Variants in NACC2 observed in about 807,000 individuals in gnomAD.
NACC2 encodes nucleus accumbens-associated protein 2.
A neutral mutation model predicts 25.1 loss-of-function variants in NACC2; 8 were observed. The observed-to-expected ratio is 0.32, with a 90% CI of 0.19 to 0.57. NACC2 has a LOEUF of 0.57. Among genes scored for constraint, NACC2 ranks in the 20% least tolerant of loss-of-function variants. The pLI is 0.89. For missense variants in NACC2, 644 were observed against 650.2 expected, an observed-to-expected ratio of 0.99 and a Z score of 0.10; for synonymous variants, 435 against 294.7, an observed-to-expected ratio of 1.48 and a Z score of -4.88.
At chr9:136,067,511 G>A (rs1439313064) in intron 1 of NACC2, among the ~76,000 whole-genome samples, 2 of 152,106 alleles carry the variant, frequency 1.3e-5, no homozygotes, top group Non-Finnish European at 2.9e-5. Context: ...AGGTGATTTT[G>A]TCGTTCTGTG....
rs1840962288 is a variant in NACC2 at position 136,058,518 on chromosome 9, A to G, written c.-59-7938T>C. 2.6e-5 allele frequency among the ~76,000 whole-genome samples: 4 copies of G among 152,210 alleles called. No individual in the cohort carries two copies. In the South Asian group the frequency reaches 8.3e-4, roughly 31 times the overall value. On this transcript the variant is annotated intron_variant, in intron 1 of 5. Transcript: ENST00000277554. Reference sequence around the variant, plus strand: ...GGGACCTGGGCTTTCTCAGCTCTTCAGAAAGATGGGATGTTGGATACACAC... The same window carrying G: ...GGGACCTGGGCTTTCTCAGCTCTTCGGAAAGATGGGATGTTGGATACACAC...
chr9:136,077,203 C>T (rs1162118660), intron 1 of NACC2, among the ~76,000 whole-genome samples: 1 of 151,086 alleles, frequency 6.6e-6, no homozygotes, highest in African/African-American at 2.4e-5. Flanking sequence ...TGGTGGCGGG[C>T]GCCTGTAGTC....
At chr9:136,029,876 G>A (rs552192741) in intron 2 of NACC2, among the ~76,000 whole-genome samples, 3 of 152,282 alleles carry the variant, frequency 2.0e-5, no homozygotes, top group African/African-American at 7.2e-5. Context: ...AGAGGTGTGG[G>A]ATCCGGGCCG....
chr9:136,067,560 G>A (rs924683937), intron 1 of NACC2, among the ~76,000 whole-genome samples: 5 of 152,146 alleles, frequency 3.3e-5, no homozygotes, highest in African/African-American at 4.8e-5. Flanking sequence ...TCGATGGGCC[G>A]GGCGCGGTGG....
At chr9:136,044,282 G>C (rs1840686576) in intron 2 of NACC2, among the ~76,000 whole-genome samples, 1 of 152,190 alleles carries the variant, frequency 6.6e-6, no homozygotes, top group South Asian at 2.1e-4. Context: ...TTGGGAGGCT[G>C]AGGCGGGAGG....
At chr9:136,041,195 G>T (rs1168147640) in intron 2 of NACC2, among the ~76,000 whole-genome samples, 2 of 152,188 alleles carry the variant, frequency 1.3e-5, no homozygotes, top group Admixed American at 1.3e-4. Context: ...GCCAAGACAG[G>T]CAGATCACTT....
chr9:136,051,903 G>A (rs1489396909), intron 1 of NACC2, among the ~76,000 whole-genome samples: 3 of 121,600 alleles, frequency 2.5e-5, no homozygotes, highest in Non-Finnish European at 5.2e-5. Flanking sequence ...GGAGGAGGAG[G>A]AGGAGGAGAT....
rs369124718 is a variant in NACC2 at position 136,013,832 on chromosome 9, T to C, written c.1157+32A>G. The stretch of plus-strand genomic sequence containing the variant: ...GGAGCCAGAACCCTCCGCAGCTCCA[T>C]TGTGCCCTCCAGCACTCCTGCCCCG... On this transcript the variant is annotated intron_variant, in intron 4 of 5. Coordinates refer to ENST00000277554, the MANE Select transcript of NACC2 (RefSeq NM_144653.5). This position sits in a 1 kb window ranked among gnomAD's most constrained non-coding sequence, Gnocchi z 6.6. 6 of 1,583,806 alleles carry C rather than the reference T, an allele frequency of 3.8e-6. No individual in the cohort carries two copies. In the African/African-American group the frequency reaches 5.4e-5, roughly 14 times the overall value.
intron 1 of NACC2, among the ~76,000 whole-genome samples, chr9:136,076,388 AC>A (rs1054661877): frequency 6.6e-6 from 1 of 151,932 alleles, no homozygotes; most frequent in Non-Finnish European, 1.5e-5. Context: ...ATTCTGATGC[AC>A]CCCCCAGCCC....
rs922448324 is a variant in NACC2, at chr9:136,079,981, G to A, written c.-60+15208C>T. Among the ~76,000 whole-genome samples the A allele has an allele frequency of 9.2e-5, 14 of 152,334 alleles. No individual in the cohort carries two copies. The East Asian group carries it at 2.1e-3, about 23-fold the overall frequency. ...GGCCCTCCTGGAGAGCTACAGATGG[G>A]CTCTGCTGGCCATGGGGCTGCCTGG... On this transcript the variant is annotated intron_variant, in intron 1 of 5. Coordinates refer to ENST00000277554, the MANE Select transcript of NACC2 (RefSeq NM_144653.5).
At position 136,050,138 on chromosome 9, in the gene NACC2, G is replaced by A; in HGVS notation, c.384C>T (p.Cys128=). 5 of 765,392 alleles carry A rather than the reference G, an allele frequency of 6.5e-6. No homozygotes were observed. Among genetic ancestry groups the A allele is most frequent in the Middle Eastern group, 3.2e-4 (1 of 3,166 alleles). 47.4% of individuals were successfully genotyped at this position (765,392 alleles called of 1,614,324 possible). Residue 128 remains cysteine, a synonymous_variant, in exon 2 of 6, where the codon TGC becomes TGT. Transcript: ENST00000277554. The part of the protein sequence containing the change: ...DLMFKVSSPH[C]DSQTAVIEDA... Reference sequence around the variant, plus strand: ...CCTCGATCACAGCGGTCTGCGAGTCGCAGTGGGGCGAGCTCACCTTGAACA... The same window carrying A: ...CCTCGATCACAGCGGTCTGCGAGTCACAGTGGGGCGAGCTCACCTTGAACA...
At chr9:136,053,185 C>T (rs970406374) in intron 1 of NACC2, among the ~76,000 whole-genome samples, 78 of 152,366 alleles carry the variant, frequency 5.1e-4, no homozygotes, top group Admixed American at 8.5e-4. Flanking sequence ...CCCTCACTCC[C>T]GGCGCCCCTC....
In NACC2 at chr9:136,011,438, T is replaced by C; in HGVS notation, c.*78A>G. ...AGTAGCAGTTCAGTAGGTAAGTGGC[T>C]TGATCACATTTGTTTGTATTAGTAA... On this transcript the variant is annotated 3_prime_UTR_variant, in exon 6 of 6. Transcript: ENST00000277554. 1 of 1,278,082 alleles carries C rather than the reference T, an allele frequency of 7.8e-7. No homozygotes were observed. Among genetic ancestry groups the C allele is most frequent in the Non-Finnish European group, 9.9e-7 (1 of 1,007,230 alleles). The allele number at this position is 1,278,082 out of a possible 1,614,324, so 79.2% of individuals were successfully genotyped here.
intron 2 of NACC2, among the ~76,000 whole-genome samples, chr9:136,026,521 C>T (rs1315399880): frequency 5.9e-5 from 9 of 151,862 alleles, no homozygotes; most frequent in Non-Finnish European, 1.0e-4. Context: ...GTCCCCAGAC[C>T]GACCAAGGAC....
intron 2 of NACC2, among the ~76,000 whole-genome samples, chr9:136,030,748 G>A (rs527893118): frequency 3.3e-5 from 5 of 152,150 alleles, no homozygotes; most frequent in South Asian, 2.1e-4. Flanking sequence ...TACAACCTGC[G>A]CCTCCCAGGT....
Position 136,013,757 on chromosome 9 carries a change from G to A in NACC2, c.1157+107C>T, listed in dbSNP as rs1159969793. ...GCCACGGCTGAAGTCAGGAATGCGA[G>A]AGGGCTTTCAATGCCACAACCCTGG... On this transcript the variant is annotated intron_variant, in intron 4 of 5. Transcript: ENST00000277554. This position sits in a 1 kb window ranked among gnomAD's most constrained non-coding sequence, Gnocchi z 6.6. 1.0e-6 allele frequency: 1 copy of A among 992,024 alleles called. No individual in the cohort carries two copies. Among genetic ancestry groups the A allele is most frequent in the Non-Finnish European group, 1.5e-6 (1 of 672,990 alleles). The allele number at this position is 992,024 out of a possible 1,614,324, so 61.5% of individuals were successfully genotyped here.
In NACC2 at chr9:136,086,823, G is replaced by C. The variant is rs1830383192; in HGVS notation, c.-60+8366C>G. On this transcript the variant is annotated intron_variant, in intron 1 of 5. Coordinates refer to ENST00000277554, the MANE Select transcript of NACC2 (RefSeq NM_144653.5). This position sits in a 1 kb window ranked among gnomAD's most constrained non-coding sequence, Gnocchi z 5.6. Reference sequence around the variant, plus strand: ...GCCATCCCAGCAGCGGCTGCTGTCTGTGCCTGGCTCCTCCCACTGTCCTGG... The same window carrying C: ...GCCATCCCAGCAGCGGCTGCTGTCTCTGCCTGGCTCCTCCCACTGTCCTGG... 6.6e-6 allele frequency among the ~76,000 whole-genome samples: 1 copy of C among 152,032 alleles called. No homozygotes were observed.
At chr9:136,085,971 G>A (rs1369604039) in intron 1 of NACC2, among the ~76,000 whole-genome samples, 4 of 151,768 alleles carry the variant, frequency 2.6e-5, no homozygotes, top group African/African-American at 7.3e-5. Context: ...CGGCTCTGAT[G>A]GGAGGGGTTG....
intron 1 of NACC2, among the ~76,000 whole-genome samples, chr9:136,072,848 C>T (rs1353891759): frequency 8.9e-6 from 1 of 112,880 alleles, no homozygotes. Context: ...GAAACTCCGT[C>T]TCAAATAAAT....
Sources: gnomAD v4.1 joint callset for allele counts (sites outside exome capture counted in the v4.1 genomes callset) on GRCh38, gnomAD v4.1.1 for gene constraint, Gnocchi (gnomAD v3.1) non-coding constraint, MANE v1.5 for transcripts, NCBI Gene and HGNC (gene_info 2026-07-23, HGNC 2026-07-21) for gene names.